TRMT11: variants seen among roughly 807,000 people sequenced by gnomAD.
TRMT11 encodes the protein tRNA methyltransferase 11, also known as tRNA (guanine(10)-N(2))-methyltransferase TRMT11.
TRMT11 carries 53 observed loss-of-function variants against 62.8 expected under a neutral mutation model. That is an observed-to-expected ratio of 0.84 (90% CI 0.68 to 1.06). The LOEUF (loss-of-function observed/expected upper bound fraction) is 1.06. Among genes scored for constraint, TRMT11 ranks in the 50% least tolerant of loss-of-function variants. The probability of loss-of-function intolerance (pLI) is 0.00; values close to 1 mark genes in which losing one functional copy is unlikely to be tolerated. For missense variants in TRMT11, 556 were observed against 553.4 expected (o/e 1.00, Z -0.05); for synonymous variants, 188 against 190.3 (o/e 0.99, Z 0.10).
intron 21 of TRMT11, among the ~76,000 whole-genome samples, chr6:126,132,730 T>C (rs533530057): frequency 7.2e-5 from 11 of 151,960 alleles, no homozygotes; most frequent in Non-Finnish European, 1.5e-4. Flanking sequence ...ACTTCCAACA[T>C]AGGAAGAAAA....
rs780134736 is a variant in TRMT11 at position 126,011,209 on chromosome 6, T to G, written c.761-44T>G. ...TTTCCTAAATGACAGAAAATAAGAATACTCTGTTTAATACTTTCTCTCTTC... is the reference window on the plus strand; with the variant it reads ...TTTCCTAAATGACAGAAAATAAGAAGACTCTGTTTAATACTTTCTCTCTTC... On this transcript the variant is annotated intron_variant, in intron 8 of 12. Coordinates refer to ENST00000334379, the MANE Select transcript of TRMT11 (RefSeq NM_001031712.3). 2.0e-6 allele frequency: 3 copies of G among 1,488,404 alleles called. No individual in the cohort carries two copies. The African/African-American group carries it at 4.2e-5, about 21-fold the overall frequency. The allele number at this position is 1,488,404 out of a possible 1,614,324, so 92.2% of individuals were successfully genotyped here.
chr6:126,092,987 GT>G (rs1777294336), intron 17 of TRMT11, among the ~76,000 whole-genome samples: 1 of 152,178 alleles, frequency 6.6e-6, no homozygotes, highest in African/African-American at 2.4e-5. Flanking sequence ...CTTGTTCAAA[GT>G]TCTTAAGTGC....
chr6:126,054,488 G>A (rs986065216), intron 17 of TRMT11, among the ~76,000 whole-genome samples: 1 of 152,184 alleles, frequency 6.6e-6, no homozygotes, highest in Non-Finnish European at 1.5e-5. Flanking sequence ...CCAAGAAACA[G>A]TCACATGTTG....
the TRMT11 span, among the ~76,000 whole-genome samples, chr6:126,217,459 A>G: frequency 6.6e-6 from 1 of 152,176 alleles, no homozygotes; most frequent in Non-Finnish European, 1.5e-5. Flanking sequence ...CATTGGGGGC[A>G]CCCAAACCTA....
chr6:126,242,913 C>T, the TRMT11 span, among the ~76,000 whole-genome samples: 1 of 152,162 alleles, frequency 6.6e-6, no homozygotes, highest in Non-Finnish European at 1.5e-5. Flanking sequence ...GCAATGGCCA[C>T]AAAAGCCAAA....
chr6:125,996,055 T>A lies in TRMT11; in HGVS notation c.212+15T>A. ...GTGTGTGCCAAGTAAGAGAAACTTA[T>A]GTTCTCCTGCATGAATATACTGGTA... On this transcript the variant is annotated intron_variant, in intron 3 of 12. Transcript: ENST00000334379. The A allele has an allele frequency of 1.3e-6, 2 of 1,559,492 alleles. No homozygotes were observed. Among genetic ancestry groups the A allele is most frequent in the Non-Finnish European group, 1.8e-6 (2 of 1,130,232 alleles).
At chr6:126,181,130 G>A (rs1778462053) in intron 1 of TRMT11, among the ~76,000 whole-genome samples, 1 of 152,084 alleles carries the variant, frequency 6.6e-6, no homozygotes, top group Non-Finnish European at 1.5e-5. Flanking sequence ...TTTAGTGCTT[G>A]ATGTTACTGG....
chr6:126,225,804 C>A, the TRMT11 span, among the ~76,000 whole-genome samples: 2 of 151,194 alleles, frequency 1.3e-5, no homozygotes, highest in Non-Finnish European at 2.9e-5. Context: ...ATTTTCCCAC[C>A]TCAGCCTCCT....
intron 21 of TRMT11, among the ~76,000 whole-genome samples, chr6:126,166,426 C>T (rs1778264359): frequency 6.6e-6 from 1 of 152,116 alleles, no homozygotes; most frequent in South Asian, 2.1e-4. Flanking sequence ...GCTGGAGTTC[C>T]ACTCCAGACC....
the TRMT11 span, among the ~76,000 whole-genome samples, chr6:126,265,131 C>T: frequency 2.3e-4 from 35 of 152,134 alleles, no homozygotes; most frequent in African/African-American, 4.1e-4. Flanking sequence ...CACCTGTATA[C>T]GTGTTAATGT....
intron 21 of TRMT11, among the ~76,000 whole-genome samples, chr6:126,169,361 T>C (rs1221134921): frequency 1.3e-5 from 2 of 152,188 alleles, no homozygotes; most frequent in Non-Finnish European, 2.9e-5. Context: ...ATGGAAATGG[T>C]CAGTGGAAAT....
chr6:126,260,520 T>G, the TRMT11 span, among the ~76,000 whole-genome samples: 1 of 152,200 alleles, frequency 6.6e-6, no homozygotes, highest in Non-Finnish European at 1.5e-5. Flanking sequence ...TTGCTACTGG[T>G]GAGCTTTATA....
At chr6:126,170,972 AT>A (rs777832043) in intron 21 of TRMT11, among the ~76,000 whole-genome samples, 5 of 152,050 alleles carry the variant, frequency 3.3e-5, no homozygotes, top group African/African-American at 4.8e-5. Context: ...TGGGGATGGT[AT>A]TTTTTACTGT....
intron 21 of TRMT11, among the ~76,000 whole-genome samples, chr6:126,135,932 A>C (rs1777844386): frequency 6.6e-6 from 1 of 151,932 alleles, no homozygotes; most frequent in South Asian, 2.1e-4. Flanking sequence ...GATAAAATTC[A>C]ACATCCCTTT....
At chr6:126,010,859 G>A (rs1583699745) in intron 8 of TRMT11, among the ~76,000 whole-genome samples, 3 of 151,922 alleles carry the variant, frequency 2.0e-5, no homozygotes, top group African/African-American at 4.8e-5. Flanking sequence ...TCACAACTGC[G>A]GCATTTCCCA....
intron 21 of TRMT11, among the ~76,000 whole-genome samples, chr6:126,152,358 A>G (rs1398294463): frequency 6.6e-6 from 1 of 152,128 alleles, no homozygotes; most frequent in Non-Finnish European, 1.5e-5. Flanking sequence ...AGAACAGGAT[A>G]GTGGACACAA....
chr6:126,182,058 TAAC>T lies in TRMT11; in HGVS notation n.143+4727_143+4729del, dbSNP rs576892461. On this transcript the variant is annotated intron_variant and non_coding_transcript_variant, in intron 1 of 3. Coordinates refer to the TRMT11 transcript ENST00000444229. ...AGACTGATGGAGATAAGACAGGAGA[TAAC>T]AACCTCGTAGATAAAGCATATAAAA... Among the ~76,000 whole-genome samples, 785 of 152,284 alleles carry T rather than the reference TAAC, an allele frequency of 5.2e-3. 5 individuals carry two copies. Among genetic ancestry groups the T allele is most frequent in the African/African-American group, 0.017 (699 of 41,546 alleles).
chr6:126,269,219 C>G, the TRMT11 span, among the ~76,000 whole-genome samples: 4 of 144,640 alleles, frequency 2.8e-5, no homozygotes, highest in Middle Eastern at 3.6e-3. Flanking sequence ...AGCCGAGATC[C>G]CGCCACTGCA....
At chr6:126,039,740 TGG>T (rs1161542190), downstream of TRMT11, among the ~76,000 whole-genome samples, 1 of 152,094 alleles carries the variant, frequency 6.6e-6, no homozygotes, top group Non-Finnish European at 1.5e-5. Flanking sequence ...TTGCCTTTGG[TGG>T]TCAAATGTAC....
Sources: gnomAD v4.1 joint callset for allele counts (sites outside exome capture counted in the v4.1 genomes callset) on GRCh38, gnomAD v4.1.1 for gene constraint, MANE v1.5 for transcripts, NCBI Gene and HGNC (gene_info 2026-07-23, HGNC 2026-07-21) for gene names.